Variants in CHODL observed in about 807,000 individuals in gnomAD.
CHODL encodes transmembrane protein MT75.
CHODL carries 29 observed loss-of-function variants against 34.5 expected under a neutral mutation model. The ratio of observed to expected loss-of-function variants is 0.84; its 90% CI spans 0.63 to 1.15. The LOEUF (loss-of-function observed/expected upper bound fraction) is 1.15. Among genes scored for constraint, CHODL ranks in the 50% most tolerant of loss-of-function variants. CHODL has a pLI of 0.00. For synonymous variants in CHODL, 125 were observed against 116.1 expected (o/e 1.08, Z -0.49); for missense variants, 332 against 332.5 (o/e 1.00, Z 0.01).
chr21:18,243,727 A>G (rs1473700437), upstream of CHODL, among the ~76,000 whole-genome samples: 3 of 152,132 alleles, frequency 2.0e-5, no homozygotes, highest in African/African-American at 7.2e-5. Context: ...AGGTCTTTCC[A>G]AGTGCTAAAA....
At chr21:18,119,446 A>T (rs758059193) in intron 2 of CHODL, among the ~76,000 whole-genome samples, 18 of 152,150 alleles carry the variant, frequency 1.2e-4, no homozygotes, top group Non-Finnish European at 2.6e-4. Context: ...TAGTGTTCAC[A>T]GTGCTAACCG....
chr21:18,178,587 C>T (rs1339984107), intron 2 of CHODL, among the ~76,000 whole-genome samples: 1 of 152,052 alleles, frequency 6.6e-6, no homozygotes, highest in Non-Finnish European at 1.5e-5. Flanking sequence ...ATACTGTATT[C>T]TTGCAATAAA....
At chr21:18,215,999 ATTAT>A (rs1257128024) in intron 2 of CHODL, among the ~76,000 whole-genome samples, 3 of 152,072 alleles carry the variant, frequency 2.0e-5, no homozygotes, top group African/African-American at 7.2e-5. Context: ...TTCCTTTGGT[ATTAT>A]TTATCTTTTT....
At chr21:18,131,164 G>A (rs1202001527) in intron 2 of CHODL, among the ~76,000 whole-genome samples, 1 of 152,024 alleles carries the variant, frequency 6.6e-6, no homozygotes, top group African/African-American at 2.4e-5. Context: ...GAGAGAGAGA[G>A]AGAGATTGAA....
chr21:18,047,897 A>AT (rs1041209102), intron 2 of CHODL, among the ~76,000 whole-genome samples: 1 of 151,954 alleles, frequency 6.6e-6, no homozygotes, highest in African/African-American at 2.4e-5. Context: ...ACAAGAGGCC[A>AT]TTTTTTAATG....
At chr21:17,990,821 T>C (rs1433847809) in intron 1 of CHODL, among the ~76,000 whole-genome samples, 1 of 152,150 alleles carries the variant, frequency 6.6e-6, no homozygotes, top group Non-Finnish European at 1.5e-5. Flanking sequence ...TTGGTTACAA[T>C]TTAAAATGAC....
intron 2 of CHODL, among the ~76,000 whole-genome samples, chr21:18,143,120 C>T (rs1306733918): frequency 6.6e-6 from 1 of 152,012 alleles, no homozygotes; most frequent in Non-Finnish European, 1.5e-5. Context: ...CCAGTAAATC[C>T]TAGAGGGAAA....
intron 2 of CHODL, among the ~76,000 whole-genome samples, chr21:18,134,802 C>G (rs1382288610): frequency 7.2e-5 from 11 of 152,108 alleles, no homozygotes; most frequent in Non-Finnish European, 1.5e-4. Flanking sequence ...TAGATCTTTC[C>G]TTTGATCAAG....
intron 2 of CHODL, among the ~76,000 whole-genome samples, chr21:18,185,570 C>G (rs760701150): frequency 2.6e-5 from 4 of 152,082 alleles, no homozygotes; most frequent in Non-Finnish European, 5.9e-5. Flanking sequence ...CCAAATAATC[C>G]TGGTGGTGGC....
At chr21:18,130,011 C>T (rs1390455549) in intron 2 of CHODL, among the ~76,000 whole-genome samples, 1 of 151,664 alleles carries the variant, frequency 6.6e-6, no homozygotes, top group Non-Finnish European at 1.5e-5. Flanking sequence ...TTTTGGAAGG[C>T]CAAGAAGCTT....
chr21:18,099,572 C>A (rs1601002035), intron 2 of CHODL, among the ~76,000 whole-genome samples: 1 of 152,008 alleles, frequency 6.6e-6, no homozygotes, highest in East Asian at 1.9e-4. Context: ...CTAAATCTTT[C>A]AAAAAGCCAT....
chr21:18,261,360 T>TAAAAAA (rs60033114), intron 4 of CHODL, among the ~76,000 whole-genome samples: 32 of 137,842 alleles, frequency 2.3e-4, no homozygotes, highest in African/African-American at 6.5e-4. Flanking sequence ...TAAAGTATGA[T>TAAAAAA]AAAAAAAAAA....
intron 2 of CHODL, among the ~76,000 whole-genome samples, chr21:18,206,078 C>A (rs956893010): frequency 3.9e-5 from 6 of 152,184 alleles, no homozygotes; most frequent in Non-Finnish European, 5.9e-5. Context: ...GATAATAATA[C>A]ATGCGCTGAA....
rs149559180 is a variant in CHODL, at chr21:18,258,006, G to A, written c.547+879G>A. 1.1e-3 allele frequency among the ~76,000 whole-genome samples: 166 copies of A among 152,190 alleles called. 2 individuals carry two copies. In the East Asian group the frequency reaches 0.011, roughly 10 times the overall value. ...GTCATTTTAACTCTTCTGAAGAGGT[G>A]TCTGCTTGAACTCATAATACGTGTT... On this transcript the variant is annotated intron_variant, in intron 3 of 5. Transcript: ENST00000299295.
chr21:18,136,131 AAAG>A (rs1373402075), intron 2 of CHODL, among the ~76,000 whole-genome samples: 1 of 151,266 alleles, frequency 6.6e-6, no homozygotes, highest in Non-Finnish European at 1.5e-5. Flanking sequence ...AAAAGAAAAA[AAAG>A]AAAAAATGAA....
At chr21:17,920,813 G>A (rs530695300) in intron 1 of CHODL, among the ~76,000 whole-genome samples, 3 of 152,304 alleles carry the variant, frequency 2.0e-5, no homozygotes, top group African/African-American at 7.2e-5. Flanking sequence ...TGAAGACAAA[G>A]ATAAGGATCT....
intron 2 of CHODL, among the ~76,000 whole-genome samples, chr21:18,048,555 A>G (rs1294098221): frequency 6.6e-6 from 1 of 151,736 alleles, no homozygotes; most frequent in African/African-American, 2.4e-5. Context: ...TAGCAGCAAA[A>G]GAAAGAAAGA....
At chr21:18,215,238 G>C (rs2073813468) in intron 2 of CHODL, among the ~76,000 whole-genome samples, 1 of 151,748 alleles carries the variant, frequency 6.6e-6, no homozygotes, top group Non-Finnish European at 1.5e-5. Flanking sequence ...TCCTGCTTTG[G>C]GAACTCCTCT....
At chr21:18,037,844 G>A (rs2064329172) in intron 2 of CHODL, among the ~76,000 whole-genome samples, 1 of 151,638 alleles carries the variant, frequency 6.6e-6, no homozygotes, top group Admixed American at 6.6e-5. Flanking sequence ...AAAAAAATCA[G>A]CATACAGATT....
Sources: gnomAD v4.1 joint callset for allele counts (sites outside exome capture counted in the v4.1 genomes callset) on GRCh38, gnomAD v4.1.1 for gene constraint, MANE v1.5 for transcripts, NCBI Gene and HGNC (gene_info 2026-07-23, HGNC 2026-07-21) for gene names.